Variants in UST observed in about 807,000 individuals in gnomAD.
UST encodes the protein uronyl 2-sulfotransferase.
A neutral mutation model predicts 45.6 loss-of-function variants in UST; 21 were observed. The ratio of observed to expected loss-of-function variants is 0.46; its 90% CI spans 0.33 to 0.66. UST has a LOEUF of 0.66. Ranked by LOEUF, UST falls within the 30% of genes least tolerant of loss-of-function variation. The pLI, the probability that UST is intolerant of heterozygous loss-of-function variation, is 0.02. For synonymous variants in UST, 215 were observed against 200.6 expected (o/e 1.07, Z -0.61); for missense variants, 463 against 512.4 (o/e 0.90, Z 0.93).
intron 1 of UST, among the ~76,000 whole-genome samples, chr6:148,845,837 C>T (rs1026918121): frequency 1.6e-4 from 25 of 152,102 alleles, no homozygotes; most frequent in African/African-American, 6.0e-4. Context: ...CCAAAAAACA[C>T]ATGAAAAAAT....
At chr6:148,792,968 A>C (rs980983659) in intron 1 of UST, among the ~76,000 whole-genome samples, 2 of 152,230 alleles carry the variant, frequency 1.3e-5, no homozygotes, top group African/African-American at 4.8e-5. Flanking sequence ...TGATTGCAAT[A>C]ATGATTAATT....
chr6:148,989,353 T>A (rs7773722), intron 5 of UST, among the ~76,000 whole-genome samples: 1 of 152,052 alleles, frequency 6.6e-6, no homozygotes, highest in East Asian at 1.9e-4. Flanking sequence ...GCTGGCTGAG[T>A]TCCAAAAGAA....
chr6:149,056,544 G>A (rs1428308498), intron 7 of UST, among the ~76,000 whole-genome samples: 2 of 152,198 alleles, frequency 1.3e-5, no homozygotes, highest in Non-Finnish European at 2.9e-5. Flanking sequence ...AAATGGGAAG[G>A]TTGCAGTTTC....
rs143099855 is a variant in UST, at chr6:148,951,559, G to T, written c.448-2313G>T. 7.0e-3 allele frequency among the ~76,000 whole-genome samples: 1,062 copies of T among 152,218 alleles called. 10 individuals are homozygous for T. The highest frequency in any genetic ancestry group is 0.024 in the Middle Eastern group (7 of 294). On this transcript the variant is annotated intron_variant, in intron 3 of 7. Transcript: ENST00000367463. ...GTTGGTGATTTTAGGTGGTGCCATT[G>T]TCACCCCCTGATGCCTCTCCTGCAA...
intron 5 of UST, chr6:149,005,567 T>C: frequency 7.1e-6 from 7 of 985,436 alleles, no homozygotes; most frequent in Non-Finnish European, 8.4e-6. Context: ...TTTTACCGAA[T>C]AAAATGATTG....
intron 5 of UST, among the ~76,000 whole-genome samples, chr6:148,988,509 G>A (rs1781279286): frequency 6.7e-6 from 1 of 149,590 alleles, no homozygotes; most frequent in Non-Finnish European, 1.5e-5. Context: ...GGGAGGTGGA[G>A]GTTGCAGTTA....
chr6:149,021,516 G>C, intron 7 of UST, 35 bp downstream of exon 7: 1 of 1,612,174 alleles, frequency 6.2e-7, no homozygotes, highest in African/African-American at 1.3e-5. Flanking sequence ...TTCTCCATGA[G>C]AGGTCTGTGT....
chr6:148,945,970 G>A (rs759795241), intron 3 of UST, among the ~76,000 whole-genome samples: 6 of 152,304 alleles, frequency 3.9e-5, no homozygotes, highest in Non-Finnish European at 5.9e-5. Context: ...GTGGAGGAGA[G>A]AGAGATCCTA....
intron 1 of UST, among the ~76,000 whole-genome samples, chr6:148,791,506 C>T (rs1193431053): frequency 1.3e-5 from 2 of 152,134 alleles, no homozygotes; most frequent in Non-Finnish European, 2.9e-5. Flanking sequence ...AAATGCCACT[C>T]GAGGTCATTA....
intron 4 of UST, among the ~76,000 whole-genome samples, chr6:148,956,735 T>G (rs759848036): frequency 6.6e-6 from 1 of 152,198 alleles, no homozygotes; most frequent in Non-Finnish European, 1.5e-5. Context: ...TCTATTTTAC[T>G]CAATTAAACA....
intron 5 of UST, among the ~76,000 whole-genome samples, chr6:149,015,795 G>C (rs1775888017): frequency 6.6e-6 from 1 of 152,164 alleles, no homozygotes; most frequent in African/African-American, 2.4e-5. Flanking sequence ...ATGAACACCA[G>C]GGCAACCAAA....
intron 6 of UST, 119 bp from the exon 7 acceptor site, chr6:149,021,205 G>A (rs1019697886): frequency 3.4e-6 from 4 of 1,177,840 alleles, no homozygotes; most frequent in African/African-American, 1.5e-5. Flanking sequence ...GGTCCTTGAG[G>A]GAAACAGGAT....
At chr6:148,952,241 A>G (rs551074787) in intron 3 of UST, among the ~76,000 whole-genome samples, 1 of 152,348 alleles carries the variant, frequency 6.6e-6, no homozygotes, top group African/African-American at 2.4e-5. Context: ...TCAAAAATCA[A>G]AATGAACAAC....
At chr6:149,020,151 T>C (rs755700251) in intron 6 of UST, among the ~76,000 whole-genome samples, 5 of 152,376 alleles carry the variant, frequency 3.3e-5, no homozygotes, top group Middle Eastern at 3.4e-3. Context: ...TTTTTGCTTA[T>C]GCTATGATTT....
chr6:148,773,631 T>C (rs1467265319), intron 1 of UST, among the ~76,000 whole-genome samples: 2 of 152,222 alleles, frequency 1.3e-5, no homozygotes, highest in East Asian at 3.8e-4. Context: ...AAGGTAAATA[T>C]TCAAATTCTT....
At chr6:149,031,897 G>A (rs144918073) in intron 7 of UST, among the ~76,000 whole-genome samples, 71 of 152,356 alleles carry the variant, frequency 4.7e-4, no homozygotes, top group African/African-American at 1.5e-3. Context: ...TAAAGGGTGC[G>A]TAGGAGTTTG....
chr6:148,801,856 G>A (rs1455329504), intron 1 of UST, among the ~76,000 whole-genome samples: 3 of 152,138 alleles, frequency 2.0e-5, no homozygotes, highest in Non-Finnish European at 4.4e-5. Flanking sequence ...CAGGTTGTCA[G>A]GTTGACTCTG....
intron 1 of UST, among the ~76,000 whole-genome samples, chr6:148,860,705 AG>A (rs1348214728): frequency 1.3e-5 from 2 of 152,208 alleles, no homozygotes; most frequent in Non-Finnish European, 2.9e-5. Flanking sequence ...TTTAGCATGA[AG>A]GGCTGTTGAA....
At chr6:148,971,269 G>A (rs913294912) in intron 5 of UST, among the ~76,000 whole-genome samples, 4 of 151,748 alleles carry the variant, frequency 2.6e-5, no homozygotes, top group Admixed American at 2.0e-4. Flanking sequence ...CAATCCATCC[G>A]TCATTCGTTC....
Sources: allele counts gnomAD v4.1 joint callset (sites outside exome capture counted in the v4.1 genomes callset), GRCh38; gene constraint gnomAD v4.1.1; transcripts MANE v1.5; gene names NCBI Gene and HGNC (gene_info 2026-07-23, HGNC 2026-07-21).